CSMD1: variants seen among roughly 807,000 people sequenced by gnomAD.
CSMD1 encodes CUB and Sushi multiple domains 1.
Under a neutral mutation model 417.5 loss-of-function variants are expected in CSMD1, and 213 were observed. That is an observed-to-expected ratio of 0.51 (90% CI 0.46 to 0.57). The LOEUF is 0.57. Among genes scored for constraint, CSMD1 ranks in the 20% least tolerant of loss-of-function variants. CSMD1 has a pLI of 0.00. For synonymous variants in CSMD1, 2,862 were observed against 1,736.8 expected (o/e 1.65, Z -16.11); for missense variants, 6,923 against 4,529.7 (o/e 1.53, Z -15.17).
intron 11 of CSMD1, among the ~76,000 whole-genome samples, chr8:3,490,008 T>C (rs566754856): frequency 3.3e-5 from 5 of 152,224 alleles, no homozygotes; most frequent in Non-Finnish European, 5.9e-5. Flanking sequence ...AATTAGATGA[T>C]AGACTCCATG....
intron 8 of CSMD1, among the ~76,000 whole-genome samples, chr8:3,611,072 C>T (rs948135471): frequency 9.1e-6 from 1 of 109,780 alleles, no homozygotes; most frequent in African/African-American, 3.8e-5. Flanking sequence ...TCACACTCTG[C>T]GAACTGTTGT....
At chr8:4,920,295 T>C (rs1021486390) in intron 1 of CSMD1, among the ~76,000 whole-genome samples, 2 of 152,158 alleles carry the variant, frequency 1.3e-5, no homozygotes, top group African/African-American at 2.4e-5. Context: ...TCCAAGGCAG[T>C]TCAAGATAAG....
chr8:4,303,404 T>C (rs1029667661), intron 3 of CSMD1, among the ~76,000 whole-genome samples: 2 of 150,406 alleles, frequency 1.3e-5, no homozygotes, highest in African/African-American at 2.4e-5. Flanking sequence ...GTCTCATTTA[T>C]ATATTGGGCA....
At chr8:3,886,469 G>C (rs1806570765) in intron 5 of CSMD1, among the ~76,000 whole-genome samples, 1 of 152,160 alleles carries the variant, frequency 6.6e-6, no homozygotes, top group Non-Finnish European at 1.5e-5. Context: ...TAAATATTTT[G>C]GTTTTGTCAG....
At position 2,942,801 on chromosome 8, in the gene CSMD1, A is replaced by G. The variant is rs181030709; in HGVS notation, c.10403-197T>C. On this transcript the variant is annotated intron_variant, in intron 68 of 69. Transcript: ENST00000635120. Reference sequence around the variant, plus strand: ...CGGGACAAAAAACTGACTATTTCCTACTAATAATGGAGAATACTATGAAAG... The same window carrying G: ...CGGGACAAAAAACTGACTATTTCCTGCTAATAATGGAGAATACTATGAAAG... 2.6e-4 allele frequency among the ~76,000 whole-genome samples: 39 copies of G among 152,346 alleles called. 1 individual carries two copies. In the East Asian group the frequency reaches 7.1e-3, roughly 28 times the overall value.
chr8:4,392,192 G>C (rs1563125410), intron 3 of CSMD1, among the ~76,000 whole-genome samples: 1 of 152,276 alleles, frequency 6.6e-6, no homozygotes, highest in East Asian at 1.9e-4. Context: ...TAAGTCTTGA[G>C]GTTGCTTTTT....
At chr8:4,839,442 A>C (rs537022603) in intron 1 of CSMD1, among the ~76,000 whole-genome samples, 4 of 152,332 alleles carry the variant, frequency 2.6e-5, no homozygotes, top group African/African-American at 9.6e-5. Context: ...TTCTGAAAAA[A>C]AGTTGCTAGA....
At chr8:4,166,867 A>T (rs916256998) in intron 3 of CSMD1, among the ~76,000 whole-genome samples, 9 of 152,240 alleles carry the variant, frequency 5.9e-5, no homozygotes, top group Admixed American at 1.3e-4. Context: ...TGAACAACAA[A>T]TAATATTTAA....
At chr8:4,203,729 C>T (rs750357337) in intron 3 of CSMD1, among the ~76,000 whole-genome samples, 1 of 152,082 alleles carries the variant, frequency 6.6e-6, no homozygotes, top group Non-Finnish European at 1.5e-5. Flanking sequence ...CATCTGCACA[C>T]ATATGTACAC....
At chr8:3,267,153 A>C (rs1444898124) in intron 26 of CSMD1, among the ~76,000 whole-genome samples, 1 of 152,162 alleles carries the variant, frequency 6.6e-6, no homozygotes, top group African/African-American at 2.4e-5. Flanking sequence ...GCCAGCGGGA[A>C]TGTCTGCTGG....
intron 3 of CSMD1, among the ~76,000 whole-genome samples, chr8:4,365,918 A>AT (rs1318601155): frequency 2.6e-5 from 4 of 152,022 alleles, no homozygotes; most frequent in East Asian, 1.9e-4. Flanking sequence ...AAGTTTTATT[A>AT]TTTTTTTCTT....
At chr8:3,278,005 C>A (rs1275473038) in intron 26 of CSMD1, among the ~76,000 whole-genome samples, 1 of 152,090 alleles carries the variant, frequency 6.6e-6, no homozygotes, top group Non-Finnish European at 1.5e-5. Flanking sequence ...ATGTTTGTTG[C>A]TTCTTAAAAA....
At chr8:2,978,466 C>T (rs1230274411) in intron 55 of CSMD1, 146 bp downstream of exon 55, 12 of 650,346 alleles carry the variant, frequency 1.8e-5, no homozygotes, top group Admixed American at 3.1e-5. Flanking sequence ...ACTCGATCTA[C>T]AGCTATCATA....
chr8:4,483,239 T>C (rs1323235123), intron 2 of CSMD1, among the ~76,000 whole-genome samples: 2 of 152,298 alleles, frequency 1.3e-5, no homozygotes, highest in African/African-American at 2.4e-5. Flanking sequence ...CCTTCCACCA[T>C]GACTGTGAGG....
At chr8:3,047,775 G>C (rs1028335984) in intron 50 of CSMD1, among the ~76,000 whole-genome samples, 1 of 152,138 alleles carries the variant, frequency 6.6e-6, no homozygotes, top group Non-Finnish European at 1.5e-5. Flanking sequence ...TAAACTACTT[G>C]CATGGACATT....
intron 12 of CSMD1, among the ~76,000 whole-genome samples, chr8:3,436,747 C>A (rs1053322911): frequency 1.3e-5 from 2 of 152,128 alleles, no homozygotes; most frequent in Non-Finnish European, 2.9e-5. Flanking sequence ...TGGCAATGAG[C>A]ATTTTTAGGA....
chr8:3,347,194 A>G (rs1194783402), intron 22 of CSMD1, among the ~76,000 whole-genome samples: 2 of 152,248 alleles, frequency 1.3e-5, no homozygotes, highest in Admixed American at 1.3e-4. Flanking sequence ...TGGACAAGAT[A>G]GTATTATAGC....
At position 4,625,781 on chromosome 8, in the gene CSMD1, T is replaced by C. The variant is rs146978460; in HGVS notation, c.302+11561A>G. Among the ~76,000 whole-genome samples the C allele has an allele frequency of 1.2e-4, 18 of 152,238 alleles. No individual in the cohort carries two copies. The East Asian group carries it at 3.3e-3, about 28-fold the overall frequency. On this transcript the variant is annotated intron_variant, in intron 2 of 69. Coordinates refer to ENST00000635120, the MANE Select transcript of CSMD1 (RefSeq NM_033225.6). ...TTCTGTCGCCCAGGTTGGAGTGCCGTGGTATGATCTCAGCTCATTCCAATC... is the reference window on the plus strand; with the variant it reads ...TTCTGTCGCCCAGGTTGGAGTGCCGCGGTATGATCTCAGCTCATTCCAATC...
intron 20 of CSMD1, among the ~76,000 whole-genome samples, chr8:3,362,696 C>G (rs569213501): frequency 1.3e-5 from 2 of 152,174 alleles, no homozygotes; most frequent in Admixed American, 6.5e-5. Context: ...GTATTTTCTT[C>G]CCAAACCTGC....
Sources: gnomAD v4.1 joint callset for allele counts (sites outside exome capture counted in the v4.1 genomes callset) on GRCh38, gnomAD v4.1.1 for gene constraint, MANE v1.5 for transcripts, NCBI Gene and HGNC (gene_info 2026-07-23, HGNC 2026-07-21) for gene names.